RBFOX1: variants seen among roughly 807,000 people sequenced by gnomAD.
RBFOX1 encodes the protein RNA binding fox-1 homolog 1.
RBFOX1 carries 8 observed loss-of-function variants against 57.7 expected under a neutral mutation model. The observed-to-expected ratio is 0.14, with a 90% CI of 0.08 to 0.25. The LOEUF is 0.25. Among genes scored for constraint, RBFOX1 ranks in the 10% least tolerant of loss-of-function variants. The pLI, the probability that RBFOX1 is intolerant of heterozygous loss-of-function variation, is 1.00. For missense variants in RBFOX1, 611 were observed against 548.5 expected (o/e 1.11, Z -1.14); for synonymous variants, 326 against 222.4 (o/e 1.47, Z -4.15).
At chr16:6,203,066 G>A (rs925217579) in intron 1 of RBFOX1, among the ~76,000 whole-genome samples, 2 of 151,748 alleles carry the variant, frequency 1.3e-5, no homozygotes, top group South Asian at 2.1e-4. Flanking sequence ...GTGAGCCACC[G>A]TGCCCAGCTT....
intron 3 of RBFOX1, among the ~76,000 whole-genome samples, chr16:6,885,564 C>G (rs1006004249): frequency 6.6e-6 from 1 of 151,598 alleles, no homozygotes; most frequent in Admixed American, 6.6e-5. Flanking sequence ...TGGAGTCTTG[C>G]TCTGTCATCC....
At chr16:7,374,339 A>G (rs1018925867) in intron 4 of RBFOX1, among the ~76,000 whole-genome samples, 5 of 152,216 alleles carry the variant, frequency 3.3e-5, no homozygotes, top group African/African-American at 1.2e-4. Context: ...ACAGATAAAC[A>G]CTAAATAAAT....
intron 4 of RBFOX1, among the ~76,000 whole-genome samples, chr16:5,872,803 T>C (rs1459538364): frequency 6.6e-6 from 1 of 152,136 alleles, no homozygotes; most frequent in African/African-American, 2.4e-5. Flanking sequence ...CAGTAGATGT[T>C]CAACAATTAG....
intron 4 of RBFOX1, among the ~76,000 whole-genome samples, chr16:7,318,096 G>C (rs2096479122): frequency 6.6e-6 from 1 of 151,992 alleles, no homozygotes; most frequent in Admixed American, 6.6e-5. Flanking sequence ...AGGTGATGGT[G>C]GTAGTGCTGG....
At chr16:6,900,290 C>A (rs141576402) in intron 3 of RBFOX1, among the ~76,000 whole-genome samples, 1 of 152,160 alleles carries the variant, frequency 6.6e-6, no homozygotes, top group Non-Finnish European at 1.5e-5. Flanking sequence ...CTCTGTAGTT[C>A]ATCCACGAAT....
At chr16:7,453,836 C>T (rs745636892) in intron 4 of RBFOX1, among the ~76,000 whole-genome samples, 1 of 152,120 alleles carries the variant, frequency 6.6e-6, no homozygotes, top group African/African-American at 2.4e-5. Flanking sequence ...AGATGGCATT[C>T]CTAGAGTTCA....
intron 4 of RBFOX1, among the ~76,000 whole-genome samples, chr16:5,950,628 G>C (rs1446486951): frequency 6.6e-6 from 1 of 152,212 alleles, no homozygotes; most frequent in Non-Finnish European, 1.5e-5. Context: ...TAACCAGCGA[G>C]TGGAAACCTT....
chr16:6,989,930 G>T (rs756964022), intron 3 of RBFOX1, among the ~76,000 whole-genome samples: 8 of 152,148 alleles, frequency 5.3e-5, no homozygotes, highest in Non-Finnish European at 1.0e-4. Flanking sequence ...GAATTCAGGA[G>T]GCAGAAGTTG....
chr16:5,602,737 A>G (rs1290024327), downstream of RBFOX1, among the ~76,000 whole-genome samples: 1 of 152,160 alleles, frequency 6.6e-6, no homozygotes, highest in Non-Finnish European at 1.5e-5. Flanking sequence ...TAGTAATAAT[A>G]TAATATTAGT....
intron 4 of RBFOX1, among the ~76,000 whole-genome samples, chr16:5,973,284 G>A (rs755911176): frequency 2.0e-5 from 3 of 152,268 alleles, no homozygotes; most frequent in Non-Finnish European, 2.9e-5. Context: ...TGATTTAAAC[G>A]TCATATGTCT....
chr16:6,189,969 T>A (rs2097131682), intron 1 of RBFOX1, among the ~76,000 whole-genome samples: 1 of 152,186 alleles, frequency 6.6e-6, no homozygotes, highest in African/African-American at 2.4e-5. Context: ...CCCCAATGTT[T>A]TCTTGTAGTA....
At chr16:5,843,768 C>G (rs1240971180) in intron 3 of RBFOX1, among the ~76,000 whole-genome samples, 1 of 152,168 alleles carries the variant, frequency 6.6e-6, no homozygotes, top group Non-Finnish European at 1.5e-5. Flanking sequence ...GGATTAAGTT[C>G]AGAATATAGA....
At chr16:6,612,545 C>T (rs989038578) in intron 2 of RBFOX1, among the ~76,000 whole-genome samples, 4 of 152,028 alleles carry the variant, frequency 2.6e-5, no homozygotes, top group Non-Finnish European at 5.9e-5. Context: ...CCATTCATTT[C>T]CCAGATGTTA....
At chr16:7,360,761 T>C (rs12935610) in intron 4 of RBFOX1, among the ~76,000 whole-genome samples, 1 of 152,206 alleles carries the variant, frequency 6.6e-6, no homozygotes, top group South Asian at 2.1e-4. Context: ...TTTTTTCCTA[T>C]CTGTGTTGGC....
chr16:5,528,003 T>C (rs1386066), intron 2 of RBFOX1, among the ~76,000 whole-genome samples: 11,161 of 152,284 alleles, frequency 0.073, 620 homozygotes, highest in Admixed American at 0.15. Context: ...GAGCACCTAA[T>C]AGCTCACTCC....
intron 4 of RBFOX1, among the ~76,000 whole-genome samples, chr16:5,891,048 C>T (rs889885991): frequency 2.0e-5 from 3 of 152,184 alleles, no homozygotes; most frequent in African/African-American, 7.2e-5. Context: ...AATCCCTTAG[C>T]ACAATTCCCA....
chr16:7,046,737 C>G (rs145589935), intron 3 of RBFOX1, among the ~76,000 whole-genome samples: 1 of 150,728 alleles, frequency 6.6e-6, no homozygotes, highest in Non-Finnish European at 1.5e-5. Context: ...TCCCAAATAG[C>G]TGGGATTACA....
chr16:6,894,966 C>G (rs2066404024), intron 3 of RBFOX1, among the ~76,000 whole-genome samples: 1 of 152,038 alleles, frequency 6.6e-6, no homozygotes, highest in Non-Finnish European at 1.5e-5. Context: ...CAACATACAC[C>G]CTTCCAGAAC....
At chr16:6,999,078 A>T (rs1263036034) in intron 3 of RBFOX1, among the ~76,000 whole-genome samples, 3 of 150,988 alleles carry the variant, frequency 2.0e-5, no homozygotes, top group South Asian at 2.1e-4. Flanking sequence ...CATGTTGGCC[A>T]AGTTGGTCTT....
Sources: gnomAD v4.1 joint callset for allele counts (sites outside exome capture counted in the v4.1 genomes callset) on GRCh38, gnomAD v4.1.1 for gene constraint, MANE v1.5 for transcripts, NCBI Gene and HGNC (gene_info 2026-07-23, HGNC 2026-07-21) for gene names.